BCKDHB: variants seen among roughly 807,000 people sequenced by gnomAD.
BCKDHB encodes the protein branched chain keto acid dehydrogenase E1 subunit beta.
Under a neutral mutation model 48.5 loss-of-function variants are expected in BCKDHB, and 41 were observed. That is an observed-to-expected ratio of 0.85 (90% confidence interval 0.66 to 1.10). The LOEUF is 1.10. BCKDHB is among the 50% of genes least tolerant of loss of function. BCKDHB has a pLI of 0.00. For missense variants in BCKDHB, 496 were observed against 494.2 expected, an observed-to-expected ratio of 1.00 and a Z score of -0.03; for synonymous variants, 201 against 174.8, an observed-to-expected ratio of 1.15 and a Z score of -1.18.
chr6:80,444,835 A>G, the BCKDHB span, among the ~76,000 whole-genome samples: 3 of 152,208 alleles, frequency 2.0e-5, no homozygotes, highest in Non-Finnish European at 2.9e-5. Flanking sequence ...TTGTCAAATC[A>G]TGTCTCAATT....
At chr6:80,336,128 TA>T (rs1438194746) in intron 9 of BCKDHB, among the ~76,000 whole-genome samples, 1 of 152,016 alleles carries the variant, frequency 6.6e-6, no homozygotes, top group Non-Finnish European at 1.5e-5. Flanking sequence ...AAAATTGTTA[TA>T]ATCTCTAAAT....
intron 9 of BCKDHB, among the ~76,000 whole-genome samples, chr6:80,317,494 T>G (rs913080683): frequency 3.9e-5 from 6 of 152,218 alleles, no homozygotes; most frequent in African/African-American, 1.4e-4. Context: ...CGCATCTCGC[T>G]GACCCTTCTT....
the BCKDHB span, among the ~76,000 whole-genome samples, chr6:80,413,158 G>A: frequency 2.0e-5 from 3 of 152,004 alleles, no homozygotes; most frequent in Admixed American, 6.6e-5. Flanking sequence ...ACTTGATGGT[G>A]CCCTATAAAT....
chr6:80,167,718 A>T lies in BCKDHB; in HGVS notation c.384A>T (p.Gly128=). 1 of 1,611,956 alleles carries T rather than the reference A, an allele frequency of 6.2e-7. No individual in the cohort carries two copies. Residue 128 remains glycine, a synonymous_variant, in exon 4 of 10, where the codon GGA becomes GGT. Coordinates refer to ENST00000320393, the MANE Select transcript of BCKDHB (RefSeq NM_183050.4). ...RVFNTPLCEQ[G]IVGFGIGIAV... is the part of the protein sequence containing the mutation. ...TTAATACCCCATTGTGTGAACAAGGAATTGTTGGATTTGGAATCGGAATTG... is the reference window on the plus strand; with the variant it reads ...TTAATACCCCATTGTGTGAACAAGGTATTGTTGGATTTGGAATCGGAATTG...
intron 9 of BCKDHB, among the ~76,000 whole-genome samples, chr6:80,294,744 A>T (rs1767133809): frequency 6.6e-6 from 1 of 152,174 alleles, no homozygotes; most frequent in Admixed American, 6.5e-5. Context: ...TTGTGGTCAG[A>T]CCGGTTCTCT....
intron 8 of BCKDHB, among the ~76,000 whole-genome samples, chr6:80,230,620 G>C (rs926039759): frequency 6.6e-6 from 1 of 152,066 alleles, no homozygotes; most frequent in Non-Finnish European, 1.5e-5. Flanking sequence ...AGTCCATTTT[G>C]TGTTGCTGTA....
intron 6 of BCKDHB, among the ~76,000 whole-genome samples, chr6:80,195,021 A>G (rs1582328723): frequency 6.6e-6 from 1 of 152,114 alleles, no homozygotes; most frequent in East Asian, 1.9e-4. Flanking sequence ...ATACCAATTT[A>G]TTTTGTCCAA....
At chr6:80,180,468 A>G (rs1336107409) in intron 6 of BCKDHB, among the ~76,000 whole-genome samples, 1 of 152,198 alleles carries the variant, frequency 6.6e-6, no homozygotes, top group Non-Finnish European at 1.5e-5. Flanking sequence ...GATATTCTTT[A>G]ATGTCTTTTG....
chr6:80,400,152 A>G, the BCKDHB span, among the ~76,000 whole-genome samples: 1 of 152,098 alleles, frequency 6.6e-6, no homozygotes, highest in Admixed American at 6.6e-5. Flanking sequence ...AAGCAATAAG[A>G]TTCTGAACAC....
At chr6:80,456,097 C>A in the BCKDHB span, among the ~76,000 whole-genome samples, 2 of 151,934 alleles carry the variant, frequency 1.3e-5, no homozygotes, top group South Asian at 2.1e-4. Context: ...CGCCTGTAGT[C>A]CCAGCTACTC....
intron 9 of BCKDHB, among the ~76,000 whole-genome samples, chr6:80,297,813 A>G (rs1428092289): frequency 6.6e-6 from 1 of 152,176 alleles, no homozygotes; most frequent in African/African-American, 2.4e-5. Context: ...TTTCCTACCT[A>G]GTTATTACAT....
chr6:80,265,507 A>G (rs766805502), intron 8 of BCKDHB, among the ~76,000 whole-genome samples: 3 of 152,118 alleles, frequency 2.0e-5, no homozygotes, highest in Non-Finnish European at 4.4e-5. Context: ...AGTCAGATTC[A>G]TAGAGACAGA....
At chr6:80,392,313 ACAGAGATTGTTTTCTT>A in the BCKDHB span, among the ~76,000 whole-genome samples, 1 of 152,072 alleles carries the variant, frequency 6.6e-6, no homozygotes, top group Non-Finnish European at 1.5e-5. Context: ...TAAATAACAT[ACAGAGATTGTTTTCTT>A]CAGCTCAGAA....
intron 8 of BCKDHB, among the ~76,000 whole-genome samples, chr6:80,270,810 T>G (rs1282443650): frequency 6.6e-6 from 1 of 152,104 alleles, no homozygotes. Flanking sequence ...GTGTGCCTGT[T>G]TGCTGCTGGA....
At chr6:80,304,437 C>T (rs1767749559) in intron 9 of BCKDHB, among the ~76,000 whole-genome samples, 1 of 152,122 alleles carries the variant, frequency 6.6e-6, no homozygotes, top group Admixed American at 6.6e-5. Context: ...AAAAAGAAAA[C>T]TCAAATCTTC....
chr6:80,290,934 G>C (rs1414262596), intron 9 of BCKDHB, among the ~76,000 whole-genome samples: 4 of 152,184 alleles, frequency 2.6e-5, no homozygotes, highest in African/African-American at 9.7e-5. Flanking sequence ...AAACTGTCAT[G>C]GTGCTGGTGA....
the BCKDHB span, among the ~76,000 whole-genome samples, chr6:80,389,260 T>A: frequency 6.6e-6 from 1 of 152,186 alleles, no homozygotes; most frequent in Admixed American, 6.5e-5. Context: ...GTGGCAGGGA[T>A]GGAGGTTACA....
intron 3 of BCKDHB, among the ~76,000 whole-genome samples, chr6:80,159,162 CAGTT>C (rs1470517636): frequency 1.3e-5 from 2 of 152,074 alleles, no homozygotes; most frequent in African/African-American, 4.8e-5. Context: ...TGTTGAAAAT[CAGTT>C]AGCTTAGGAG....
In BCKDHB at chr6:80,107,516, T is replaced by TATATATATATGCAC. The variant is rs755301848; in HGVS notation, c.196+637_196+638insGCACATATATATAT. Among the ~76,000 whole-genome samples the TATATATATATGCAC allele has an allele frequency of 1.1e-4, 5 of 46,562 alleles. No homozygotes were observed. In the East Asian group the frequency reaches 6.4e-3, roughly 59 times the overall value. The allele number at this position is 46,562 out of a possible 152,430, so 30.5% of individuals were successfully genotyped here. A position where few individuals can be genotyped will look rare whatever the true frequency, so the allele number is the denominator to read the frequency against. On this transcript the variant is annotated intron_variant, in intron 1 of 9. Coordinates refer to ENST00000320393, the MANE Select transcript of BCKDHB (RefSeq NM_183050.4). ...ATATATATGCATATATATGTGCGCA[T>TATATATATATGCAC]ATATATATATATGCATATATATATA...
Sources: allele counts gnomAD v4.1 joint callset (sites outside exome capture counted in the v4.1 genomes callset), GRCh38; gene constraint gnomAD v4.1.1; transcripts MANE v1.5; gene names NCBI Gene and HGNC (gene_info 2026-07-23, HGNC 2026-07-21).